IST1: variants seen among roughly 807,000 people sequenced by gnomAD.
IST1 encodes the protein IST1 homolog.
Under a neutral mutation model 37.0 loss-of-function variants are expected in IST1, and 23 were observed. The observed-to-expected ratio is 0.62, with a 90% CI of 0.45 to 0.88. The LOEUF (loss-of-function observed/expected upper bound fraction) is 0.88. Ranked by LOEUF, IST1 falls within the 40% of genes least tolerant of loss-of-function variation. IST1 has a pLI of 0.00. For missense variants in IST1, 488 were observed against 445.4 expected, an observed-to-expected ratio of 1.10 and a Z score of -0.86; for synonymous variants, 180 against 161.7, an observed-to-expected ratio of 1.11 and a Z score of -0.86.
At position 71,897,330 on chromosome 16, in the gene IST1, C is replaced by T. The variant is rs558133174; in HGVS notation, c.-16+1741C>T. 4.6e-5 allele frequency among the ~76,000 whole-genome samples: 7 copies of T among 152,178 alleles called. No individual in the cohort carries two copies. The East Asian group carries it at 1.2e-3, about 25-fold the overall frequency. On this transcript the variant is annotated intron_variant, in intron 1 of 9. Transcript: ENST00000378799. Reference sequence around the variant, plus strand: ...GTTAGTGTTACGTTTTAAAGTCATCCAGTTTCGTATATCTTATTTTAAAAT... The same window carrying T: ...GTTAGTGTTACGTTTTAAAGTCATCTAGTTTCGTATATCTTATTTTAAAAT...
chr16:71,907,709 T>G (rs925444074), intron 1 of IST1, among the ~76,000 whole-genome samples: 1 of 152,248 alleles, frequency 6.6e-6, no homozygotes, highest in Non-Finnish European at 1.5e-5. Context: ...TACTTTCTAT[T>G]GACTTACCTA....
rs1597252945 is a variant in IST1, at chr16:71,921,064, G to A, written c.441+242G>A. 2.5e-5 allele frequency: 15 copies of A among 606,242 alleles called. 1 individual carries two copies. In the South Asian group the frequency reaches 2.8e-4, roughly 11 times the overall value. The allele number at this position is 606,242 out of a possible 1,614,324, so 37.6% of individuals were successfully genotyped here. A position where few individuals can be genotyped will look rare whatever the true frequency, so the allele number is the denominator to read the frequency against. ...TTGTATGCCTCGTGTCATTTGTGAA[G>A]GTTGGAAGTGAGGTGGGGAGAAGGG... On this transcript the variant is annotated intron_variant, in intron 5 of 9. Coordinates refer to ENST00000378799, the MANE Select transcript of IST1 (RefSeq NM_001270975.2).
At chr16:71,922,105 A>C (rs1462816158) in intron 6 of IST1, among the ~76,000 whole-genome samples, 3 of 151,808 alleles carry the variant, frequency 2.0e-5, no homozygotes, top group Non-Finnish European at 2.9e-5. Context: ...GTGCCACTGC[A>C]CTCCAGTCTG....
Position 71,920,776 on chromosome 16 carries a change from A to G in IST1, c.395A>G (p.Tyr132Cys), listed in dbSNP as rs1348806115. ...DQLCAKYSKEYGKLCRTNQIG... is the reference protein window; with the variant it reads ...DQLCAKYSKECGKLCRTNQIG... ...CTCTGTGCCAAGTATAGCAAGGAAT[A>G]TGGCAAGCTATGTAGGACCAACCAG... The change falls in exon 5 of 10, where the codon TAT (tyrosine) becomes TGT (cysteine). Residue 132 changes from tyrosine to cysteine, a missense_variant. Physicochemically the swap from Tyr to Cys is radical, Grantham distance 194 (BLOSUM62 -2). Transcript: ENST00000378799. 1 of 1,614,058 alleles carries G rather than the reference A, an allele frequency of 6.2e-7. No individual in the cohort carries two copies. Among genetic ancestry groups the G allele is most frequent in the East Asian group, 2.2e-5 (1 of 44,882 alleles).
intron 9 of IST1, among the ~76,000 whole-genome samples, chr16:71,926,038 T>G (rs574696875): frequency 6.2e-4 from 95 of 152,228 alleles, no homozygotes; most frequent in Non-Finnish European, 1.2e-3. Flanking sequence ...TCCCAGCACC[T>G]TGGGAGGCCT....
At chr16:71,915,787 TG>T in intron 2 of IST1, 59 bp downstream of exon 2, 1 of 1,060,720 alleles carries the variant, frequency 9.4e-7, no homozygotes. Context: ...ACCCCAGTAA[TG>T]GGTCTTTCAG....
upstream of IST1, chr16:71,894,651 G>T: frequency 2.1e-6 from 1 of 484,132 alleles, no homozygotes; most frequent in South Asian, 2.2e-5. Context: ...TCAGCCTCCC[G>T]AGTAGCTGAG....
At position 71,908,699 on chromosome 16, in the gene IST1, C is replaced by T. The variant is rs1029378650; in HGVS notation, c.-15-6927C>T. On this transcript the variant is annotated intron_variant, in intron 1 of 9. Transcript: ENST00000378799. The stretch of plus-strand genomic sequence containing the variant: ...GAGTATCACCCACTTTCTGTCTATA[C>T]CAGCGGTCCCCTTTCTAGTTCCTCA... Among the ~76,000 whole-genome samples, 3 of 152,298 alleles carry T rather than the reference C, an allele frequency of 2.0e-5. No individual in the cohort carries two copies. The South Asian group carries it at 6.2e-4, about 32-fold the overall frequency.
chr16:71,899,957 A>C (rs1441292295), intron 1 of IST1, among the ~76,000 whole-genome samples: 2 of 147,206 alleles, frequency 1.4e-5, no homozygotes, highest in Non-Finnish European at 3.0e-5. Flanking sequence ...AGATTGCGCC[A>C]CTGCACTCTA....
rs1033272080 is a variant in IST1 at position 71,930,570 on chromosome 16, C to T, written c.*2757C>T. ...GAAATGAGAATGCACACTGTCTCTG[C>T]CATATCAAGAAACTACAACCCTAAA... On this transcript the variant is annotated 3_prime_UTR_variant, in exon 10 of 10. Transcript: ENST00000378799. 6.4e-6 allele frequency: 1 copy of T among 156,066 alleles called. No individual in the cohort carries two copies. Among genetic ancestry groups the T allele is most frequent in the Non-Finnish European group, 1.4e-5 (1 of 70,800 alleles). The allele number at this position is 156,066 out of a possible 1,614,324, so 9.7% of individuals were successfully genotyped here.
Position 71,929,352 on chromosome 16 carries a change from G to T in IST1, c.*1539G>T. Reference sequence around the variant, plus strand: ...CTTGGCAGCAGAGCTAGTTTGTCTCGTAGTATTCTTGCATTGTTAATCCTA... The same window carrying T: ...CTTGGCAGCAGAGCTAGTTTGTCTCTTAGTATTCTTGCATTGTTAATCCTA... On this transcript the variant is annotated 3_prime_UTR_variant, in exon 10 of 10. Transcript: ENST00000378799. 1 of 546,080 alleles carries T rather than the reference G, an allele frequency of 1.8e-6. No individual in the cohort carries two copies. Among genetic ancestry groups the T allele is most frequent in the South Asian group, 3.0e-5 (1 of 33,380 alleles). The allele number at this position is 546,080 out of a possible 1,614,324, so 33.8% of individuals were successfully genotyped here. A position where few individuals can be genotyped will look rare whatever the true frequency, so the allele number is the denominator to read the frequency against.
chr16:71,896,467 C>G (rs2036974052), intron 1 of IST1, among the ~76,000 whole-genome samples: 1 of 152,018 alleles, frequency 6.6e-6, no homozygotes, highest in Non-Finnish European at 1.5e-5. Context: ...TTCTCTCATC[C>G]AGCTTCAAAC....
Position 71,927,809 on chromosome 16 carries a change from C to T in IST1, c.1097C>T (p.Thr366Ile), listed in dbSNP as rs1442721326. Residue 366 changes from threonine (T) to isoleucine (I), a missense_variant, in exon 10 of 10, where the codon ACA (threonine) becomes ATA (isoleucine). Thr to Ile is a moderately conservative substitution (Grantham distance 89). Coordinates refer to ENST00000378799, the MANE Select transcript of IST1 (RefSeq NM_001270975.2). ...AGGTTTGAAGAGCTGAAAAAGAAAA[C>T]ATAGGTCTCTTAAACCAGGCAACTT... ...SRRFEELKKK[T>I] The T allele has an allele frequency of 3.7e-6, 6 of 1,612,548 alleles. No homozygotes were observed. Among genetic ancestry groups the T allele is most frequent in the Non-Finnish European group, 5.1e-6 (6 of 1,178,938 alleles).
chr16:71,923,844 TTAGTATTC>T (rs1315132655), intron 8 of IST1, among the ~76,000 whole-genome samples: 2 of 152,224 alleles, frequency 1.3e-5, no homozygotes, highest in Non-Finnish European at 2.9e-5. Context: ...ATTTCACATT[TTAGTATTC>T]TAGTTAAAAT....
chr16:71,895,163 C>T, upstream of IST1: 1 of 252,456 alleles, frequency 4.0e-6, no homozygotes, highest in Non-Finnish European at 7.8e-6. Context: ...GTCAGAGAGG[C>T]GGTACTGGCA....
intron 1 of IST1, among the ~76,000 whole-genome samples, 188 bp downstream of exon 1, chr16:71,895,777 G>T (rs552697565): frequency 1.1e-4 from 16 of 152,340 alleles, no homozygotes; most frequent in African/African-American, 3.8e-4. Context: ...GGCCCGCGGC[G>T]CAGGAGGCTG....
chr16:71,899,747 G>A (rs2037059881), intron 1 of IST1, among the ~76,000 whole-genome samples: 1 of 151,946 alleles, frequency 6.6e-6, no homozygotes, highest in African/African-American at 2.4e-5. Flanking sequence ...CGAACAGCCG[G>A]GCATGGTGGC....
rs1257966264 is a variant in IST1 at position 71,920,836 on chromosome 16, T to C, written c.441+14T>C. The C allele has an allele frequency of 6.3e-7, 1 of 1,581,512 alleles. No homozygotes were observed. Among genetic ancestry groups the C allele is most frequent in the South Asian group, 1.1e-5 (1 of 90,352 alleles). On this transcript the variant is annotated intron_variant, in intron 5 of 9. Transcript: ENST00000378799. ...GTGAATGACAGGGTAATGAACATAC[T>C]TGGTAAACATGAAGGCAGTGTGTGG...
chr16:71,911,592 A>T (rs1368097651), intron 1 of IST1, among the ~76,000 whole-genome samples: 1 of 151,980 alleles, frequency 6.6e-6, no homozygotes, highest in African/African-American at 2.4e-5. Flanking sequence ...CATAAAATAG[A>T]TGTGTCTTAA....
Sources: gnomAD v4.1 joint callset for allele counts (sites outside exome capture counted in the v4.1 genomes callset) on GRCh38, gnomAD v4.1.1 for gene constraint, MANE v1.5 for transcripts, NCBI Gene and HGNC (gene_info 2026-07-23, HGNC 2026-07-21) for gene names.